EFHB: variants seen among roughly 807,000 people sequenced by gnomAD.
EFHB encodes the protein EF-hand domain family member B.
Under a neutral mutation model 87.2 loss-of-function variants are expected in EFHB, and 91 were observed. The ratio of observed to expected loss-of-function variants is 1.04; its 90% CI spans 0.88 to 1.24. The LOEUF (loss-of-function observed/expected upper bound fraction) is 1.24, where lower values mean the gene tolerates loss of function less well. EFHB is among the 50% of genes most tolerant of loss of function. The pLI is 0.00. For missense variants in EFHB, 1,084 were observed against 998.8 expected (o/e 1.09, Z -1.15); for synonymous variants, 325 against 333.6 (o/e 0.97, Z 0.28).
At chr3:19,887,106 C>G (rs1487327740) in intron 10 of EFHB, among the ~76,000 whole-genome samples, 2 of 152,042 alleles carry the variant, frequency 1.3e-5, no homozygotes, top group African/African-American at 4.8e-5. Flanking sequence ...GCTGGCTGGG[C>G]ATGTTGGCTC....
At chr3:19,910,707 G>T (rs1695023477) in intron 5 of EFHB, among the ~76,000 whole-genome samples, 1 of 152,196 alleles carries the variant, frequency 6.6e-6, no homozygotes, top group African/African-American at 2.4e-5. Context: ...GTGGCCACAG[G>T]GGTACTTGTG....
At chr3:19,917,432 G>A (rs1488178581) in intron 4 of EFHB, among the ~76,000 whole-genome samples, 2 of 152,078 alleles carry the variant, frequency 1.3e-5, no homozygotes, top group Non-Finnish European at 2.9e-5. Flanking sequence ...ATAATCTAAT[G>A]AGCCTTTCGG....
chr3:19,885,841 T>C (rs927892017), intron 10 of EFHB, among the ~76,000 whole-genome samples: 1 of 152,098 alleles, frequency 6.6e-6, no homozygotes, highest in Non-Finnish European at 1.5e-5. Context: ...AAAGTAGAAA[T>C]CTGGACAAAG....
At chr3:19,893,075 C>T (rs113903250) in intron 9 of EFHB, among the ~76,000 whole-genome samples, 212 of 151,950 alleles carry the variant, frequency 1.4e-3, no homozygotes, top group African/African-American at 4.7e-3. Flanking sequence ...CTCAGCTTCC[C>T]GAGTAGCTAG....
intron 1 of EFHB, among the ~76,000 whole-genome samples, chr3:19,946,682 C>A (rs373560641): frequency 3.3e-5 from 5 of 152,258 alleles, no homozygotes; most frequent in African/African-American, 1.2e-4. Context: ...AGGAGGTTCT[C>A]TCGTGCTAGA....
At chr3:19,936,636 G>A (rs1696028336), upstream of EFHB, among the ~76,000 whole-genome samples, 1 of 152,136 alleles carries the variant, frequency 6.6e-6, no homozygotes, top group Admixed American at 6.5e-5. Flanking sequence ...GGGAGGCCTA[G>A]GCGGGTGGAT....
Position 19,930,835 on chromosome 3 carries a change from G to A in EFHB, c.789+2395C>T, listed in dbSNP as rs535790326. Among the ~76,000 whole-genome samples, 13 of 152,218 alleles carry A rather than the reference G, an allele frequency of 8.5e-5. No homozygotes were observed. The East Asian group carries it at 1.7e-3, about 20-fold the overall frequency. ...AGGCTGATGACAAACTCCTGGCCTC[G>A]AGAAATCCTGCTGCCTGCTGGGCGT... On this transcript the variant is annotated intron_variant, in intron 1 of 12. Transcript: ENST00000295824.
intron 9 of EFHB, among the ~76,000 whole-genome samples, chr3:19,892,655 T>TCATAAGGATAATAACCACTTGGTTGAG (rs993728775): frequency 6.6e-6 from 1 of 152,146 alleles, no homozygotes; most frequent in Non-Finnish European, 1.5e-5. Context: ...TAATCCTTGA[T>TCATAAGGATAATAACCACTTGGTTGAG]CATAAGGATA....
At position 19,909,128 on chromosome 3, in the gene EFHB, T is replaced by G. The variant is rs557642586; in HGVS notation, c.1289-3379A>C. The stretch of plus-strand genomic sequence containing the variant: ...AGGTGGGCAACTCATAGTACTTGAT[T>G]TTAACTTCATAGCACTGAAAAAAAA... On this transcript the variant is annotated intron_variant, in intron 5 of 12. Coordinates refer to ENST00000295824, the MANE Select transcript of EFHB (RefSeq NM_144715.4). Among the ~76,000 whole-genome samples, 5 of 148,272 alleles carry G rather than the reference T, an allele frequency of 3.4e-5. No individual in the cohort carries two copies. The Admixed American group carries it at 3.5e-4, about 10-fold the overall frequency.
chr3:19,939,313 C>T (rs1057124970), intron 1 of EFHB, among the ~76,000 whole-genome samples: 16 of 150,342 alleles, frequency 1.1e-4, no homozygotes, highest in South Asian at 4.2e-4. Context: ...CAAGACTCAA[C>T]CCAGGGATTA....
chr3:19,929,051 C>T (rs568029679), intron 1 of EFHB, among the ~76,000 whole-genome samples: 32 of 151,666 alleles, frequency 2.1e-4, no homozygotes, highest in Non-Finnish European at 3.8e-4. Context: ...TAAAATAATG[C>T]CTAACAAATT....
intron 1 of EFHB, among the ~76,000 whole-genome samples, chr3:19,945,424 C>T (rs1575061836): frequency 6.6e-6 from 1 of 152,060 alleles, no homozygotes; most frequent in East Asian, 1.9e-4. Context: ...TACCATGGAC[C>T]AGGTGTTGGG....
intron 4 of EFHB, among the ~76,000 whole-genome samples, chr3:19,917,544 A>G (rs1695275635): frequency 6.6e-6 from 1 of 152,180 alleles, no homozygotes; most frequent in African/African-American, 2.4e-5. Flanking sequence ...GAGATCTCCT[A>G]TGGTAAGACT....
intron 5 of EFHB, among the ~76,000 whole-genome samples, chr3:19,908,580 G>GAA (rs1276786105): frequency 0.083 from 9,772 of 117,182 alleles, 678 homozygotes; most frequent in Non-Finnish European, 0.11. Context: ...GAGAGAGAGA[G>GAA]AGAGAGAGAG....
At chr3:19,936,866 C>T (rs1169266665), upstream of EFHB, among the ~76,000 whole-genome samples, 2 of 123,822 alleles carry the variant, frequency 1.6e-5, no homozygotes, top group African/African-American at 6.6e-5. Flanking sequence ...CAAACTCCAT[C>T]TCAAAATAAT....
intron 5 of EFHB, among the ~76,000 whole-genome samples, chr3:19,906,923 C>G (rs945369735): frequency 6.6e-6 from 1 of 151,860 alleles, no homozygotes; most frequent in African/African-American, 2.4e-5. Flanking sequence ...ATACAATACA[C>G]TAATTTTCAA....
At chr3:19,925,112 G>A (rs528013415) in intron 1 of EFHB, among the ~76,000 whole-genome samples, 3 of 151,878 alleles carry the variant, frequency 2.0e-5, no homozygotes, top group East Asian at 3.9e-4. Context: ...CATGCTGGCC[G>A]GCACCTGTAA....
chr3:19,934,443 C>CTCTCT (rs1695960191), upstream of EFHB, among the ~76,000 whole-genome samples: 1 of 147,368 alleles, frequency 6.8e-6, no homozygotes, highest in Non-Finnish European at 1.5e-5. Context: ...CCCTCTCCCT[C>CTCTCT]TCTCTCCCTC....
At chr3:19,914,584 T>A (rs112562877) in intron 5 of EFHB, among the ~76,000 whole-genome samples, 250 of 152,260 alleles carry the variant, frequency 1.6e-3, no homozygotes, top group African/African-American at 5.6e-3. Flanking sequence ...TTAACTCTGT[T>A]CCAGGTGCTA....
Sources: allele counts gnomAD v4.1 joint callset (sites outside exome capture counted in the v4.1 genomes callset), GRCh38; gene constraint gnomAD v4.1.1; transcripts MANE v1.5; gene names NCBI Gene and HGNC (gene_info 2026-07-23, HGNC 2026-07-21).